Variants in IQCM observed in about 807,000 individuals in gnomAD.
IQCM encodes IQ motif containing M.
Under a neutral mutation model 57.6 loss-of-function variants are expected in IQCM, and 45 were observed. The ratio of observed to expected loss-of-function variants is 0.78; its 90% CI spans 0.62 to 1.00. The LOEUF (loss-of-function observed/expected upper bound fraction) is 1.00. Among genes scored for constraint, IQCM ranks in the 50% least tolerant of loss-of-function variants. The pLI is 0.00. For missense variants in IQCM, 468 were observed against 511.6 expected (o/e 0.91, Z 0.82); for synonymous variants, 148 against 158.9 (o/e 0.93, Z 0.51).
intron 2 of IQCM, among the ~76,000 whole-genome samples, chr4:149,774,197 T>G (rs573799132): frequency 9.9e-5 from 15 of 152,154 alleles, no homozygotes; most frequent in African/African-American, 2.9e-4. Context: ...AAAAAAAAAT[T>G]TTTTTTATTG....
chr4:149,684,158 A>T (rs1762392044), intron 6 of IQCM, among the ~76,000 whole-genome samples: 1 of 151,402 alleles, frequency 6.6e-6, no homozygotes, highest in Non-Finnish European at 1.5e-5. Flanking sequence ...CATCATAAAG[A>T]GTATTTTAAT....
At chr4:149,786,577 A>T (rs1187655105) in intron 2 of IQCM, among the ~76,000 whole-genome samples, 1 of 152,240 alleles carries the variant, frequency 6.6e-6, no homozygotes, top group South Asian at 2.1e-4. Flanking sequence ...AACATATGAA[A>T]AAAGCCCAAC....
chr4:149,486,022 TCTC>T, intron 12 of IQCM, among the ~76,000 whole-genome samples: 1 of 36,730 alleles, frequency 2.7e-5, no homozygotes, highest in Admixed American at 3.5e-4. Flanking sequence ...ACAGAGTCTC[TCTC>T]TCTCTCTCTC....
intron 12 of IQCM, among the ~76,000 whole-genome samples, chr4:149,454,738 GA>G (rs1737500927): frequency 6.6e-6 from 1 of 151,988 alleles, no homozygotes; most frequent in Non-Finnish European, 1.5e-5. Flanking sequence ...TATGCTAAGT[GA>G]AAGAAGTTAT....
At chr4:149,636,503 G>A (rs929532131) in intron 7 of IQCM, among the ~76,000 whole-genome samples, 1 of 151,996 alleles carries the variant, frequency 6.6e-6, no homozygotes, top group Admixed American at 6.6e-5. Context: ...AAGTGGAGCA[G>A]AAGAACCCAG....
chr4:149,448,481 A>T (rs966835668), intron 12 of IQCM, among the ~76,000 whole-genome samples: 9 of 151,588 alleles, frequency 5.9e-5, no homozygotes, highest in African/African-American at 2.2e-4. Context: ...GAAAATATAA[A>T]ATAAAGCAAA....
chr4:149,416,146 C>T (rs1733732197), intron 13 of IQCM, among the ~76,000 whole-genome samples: 1 of 152,010 alleles, frequency 6.6e-6, no homozygotes, highest in South Asian at 2.1e-4. Flanking sequence ...ACTAACCAAC[C>T]CAGACAGATT....
intron 5 of IQCM, among the ~76,000 whole-genome samples, chr4:149,703,243 C>G (rs1228058562): frequency 1.3e-5 from 2 of 152,002 alleles, no homozygotes; most frequent in East Asian, 3.9e-4. Flanking sequence ...TACTAGAAAG[C>G]AGAGACATTC....
chr4:149,536,655 T>G (rs1443502892), intron 12 of IQCM, among the ~76,000 whole-genome samples: 4 of 151,994 alleles, frequency 2.6e-5, no homozygotes, highest in Non-Finnish European at 5.9e-5. Flanking sequence ...CTGAAATATT[T>G]GAACCACATT....
At chr4:149,463,359 C>T (rs183032415) in intron 12 of IQCM, among the ~76,000 whole-genome samples, 19 of 152,338 alleles carry the variant, frequency 1.2e-4, no homozygotes, top group African/African-American at 4.6e-4. Context: ...TTCGTTAACA[C>T]TAGCAATCAA....
chr4:149,706,583 G>C (rs767783269), intron 5 of IQCM, among the ~76,000 whole-genome samples: 11 of 151,932 alleles, frequency 7.2e-5, no homozygotes, highest in South Asian at 2.1e-4. Flanking sequence ...TATTTTGATA[G>C]CTAAGTATTA....
At chr4:149,554,859 C>T (rs1363239684) in intron 10 of IQCM, among the ~76,000 whole-genome samples, 1 of 151,204 alleles carries the variant, frequency 6.6e-6, no homozygotes, top group East Asian at 2.0e-4. Context: ...CCCACCACGC[C>T]CGGCTAATTT....
intron 12 of IQCM, among the ~76,000 whole-genome samples, chr4:149,457,384 G>A (rs907538846): frequency 4.6e-5 from 7 of 152,020 alleles, no homozygotes; most frequent in East Asian, 1.9e-4. Flanking sequence ...GCAGGGTGAC[G>A]TAAATGCACC....
chr4:149,694,104 A>G (rs1763140647), intron 5 of IQCM, among the ~76,000 whole-genome samples: 1 of 152,220 alleles, frequency 6.6e-6, no homozygotes, highest in African/African-American at 2.4e-5. Flanking sequence ...TATAAGAATC[A>G]ATCAATAAAT....
intron 9 of IQCM, among the ~76,000 whole-genome samples, chr4:149,568,999 C>A (rs192392240): frequency 6.6e-6 from 1 of 152,162 alleles, no homozygotes; most frequent in East Asian, 1.9e-4. Context: ...TGATAATGTG[C>A]CAGTTCTAAC....
intron 7 of IQCM, among the ~76,000 whole-genome samples, chr4:149,654,811 G>T (rs1475230276): frequency 6.6e-6 from 1 of 152,160 alleles, no homozygotes; most frequent in African/African-American, 2.4e-5. Context: ...TGGCCAGTAT[G>T]ATTTAAGATA....
intron 7 of IQCM, among the ~76,000 whole-genome samples, chr4:149,631,183 T>C (rs1327390430): frequency 6.6e-6 from 1 of 152,208 alleles, no homozygotes; most frequent in African/African-American, 2.4e-5. Flanking sequence ...CATGACTTGC[T>C]GCTGGAGGAA....
At chr4:149,555,732 T>C (rs1253177033) in intron 10 of IQCM, among the ~76,000 whole-genome samples, 2 of 152,230 alleles carry the variant, frequency 1.3e-5, no homozygotes, top group Non-Finnish European at 2.9e-5. Context: ...GTTTTTTGAC[T>C]GTATCTTTAA....
intron 12 of IQCM, 107 bp downstream of exon 12, chr4:149,548,348 G>A (rs1395647290): frequency 6.5e-6 from 6 of 917,632 alleles, no homozygotes; most frequent in Non-Finnish European, 7.1e-6. Flanking sequence ...GTAAAAGTAA[G>A]GGAAGGAATG....
Sources: allele counts gnomAD v4.1 joint callset (sites outside exome capture counted in the v4.1 genomes callset), GRCh38; gene constraint gnomAD v4.1.1; transcripts MANE v1.5; gene names NCBI Gene and HGNC (gene_info 2026-07-23, HGNC 2026-07-21).